PTPRJ: variants seen among roughly 807,000 people sequenced by gnomAD.
PTPRJ encodes the protein protein tyrosine phosphatase receptor type J.
In PTPRJ, 129 loss-of-function variants were observed where a neutral mutation model predicts 141.3. The ratio of observed to expected loss-of-function variants is 0.91; its 90% CI spans 0.79 to 1.06. The LOEUF (loss-of-function observed/expected upper bound fraction) is 1.06. PTPRJ is among the 50% of genes least tolerant of loss of function. The probability of loss-of-function intolerance (pLI) is 0.00; values close to 1 mark genes in which losing one functional copy is unlikely to be tolerated. For missense variants in PTPRJ, 1,601 were observed against 1,679.7 expected (o/e 0.95, Z 0.82); for synonymous variants, 610 against 640.5 (o/e 0.95, Z 0.72).
At chr11:48,063,186 G>T (rs1304620837) in intron 1 of PTPRJ, among the ~76,000 whole-genome samples, 1 of 152,000 alleles carries the variant, frequency 6.6e-6, no homozygotes, top group Non-Finnish European at 1.5e-5. Flanking sequence ...AAATTAGCTG[G>T]GCGTGGTGGC....
intron 3 of PTPRJ, among the ~76,000 whole-genome samples, chr11:48,120,307 G>T (rs7113857): frequency 0.16 from 24,809 of 152,188 alleles, 2,306 homozygotes; most frequent in African/African-American, 0.24. Flanking sequence ...CTATCTTTAT[G>T]TCAGAAAACC....
intron 10 of PTPRJ, among the ~76,000 whole-genome samples, chr11:48,138,797 C>T (rs920333204): frequency 6.6e-6 from 1 of 152,172 alleles, no homozygotes; most frequent in Non-Finnish European, 1.5e-5. Context: ...GTGGATTTAT[C>T]TGCAGATGGG....
intron 1 of PTPRJ, among the ~76,000 whole-genome samples, chr11:48,028,815 A>C (rs1306395581): frequency 6.6e-6 from 1 of 152,074 alleles, no homozygotes; most frequent in African/African-American, 2.4e-5. Flanking sequence ...CAAACAAAAA[A>C]CCTTGTGTGG....
chr11:48,058,951 C>T (rs755805444), intron 1 of PTPRJ, among the ~76,000 whole-genome samples: 1 of 152,042 alleles, frequency 6.6e-6, no homozygotes, highest in South Asian at 2.1e-4. Flanking sequence ...GAACACGTCA[C>T]GTTCATGCCT....
intron 1 of PTPRJ, among the ~76,000 whole-genome samples, chr11:48,046,615 G>C (rs927223479): frequency 9.9e-5 from 15 of 152,034 alleles, no homozygotes; most frequent in Non-Finnish European, 1.8e-4. Context: ...GTGGTGTTGT[G>C]GGGAGAGGGT....
At chr11:48,143,810 C>A (rs1857288962) in intron 12 of PTPRJ, among the ~76,000 whole-genome samples, 2 of 120,280 alleles carry the variant, frequency 1.7e-5, no homozygotes, top group South Asian at 7.3e-4. Context: ...CTCTCCTCCT[C>A]CTCCCCTTCT....
chr11:48,004,107 A>C (rs747232807), intron 1 of PTPRJ, among the ~76,000 whole-genome samples: 1 of 152,170 alleles, frequency 6.6e-6, no homozygotes, highest in African/African-American at 2.4e-5. Flanking sequence ...TTTTAGAGCT[A>C]TATTTTAGCT....
At chr11:48,048,282 C>A (rs1222499279) in intron 1 of PTPRJ, among the ~76,000 whole-genome samples, 6 of 152,088 alleles carry the variant, frequency 3.9e-5, no homozygotes. Flanking sequence ...GTTGTTGATA[C>A]CCCTTCTCAC....
chr11:48,013,103 CAA>C (rs5791798), intron 1 of PTPRJ, among the ~76,000 whole-genome samples: 1,580 of 90,088 alleles, frequency 0.018, 22 homozygotes, highest in African/African-American at 0.05. Context: ...GACTCTGTGT[CAA>C]AAAAAAAAAA....
chr11:48,018,390 G>C (rs933387777), intron 1 of PTPRJ, among the ~76,000 whole-genome samples: 9 of 152,122 alleles, frequency 5.9e-5, no homozygotes, highest in African/African-American at 2.2e-4. Flanking sequence ...TGGGGGCTGG[G>C]GGCAGTGGAT....
At chr11:48,104,820 G>C (rs1856244875) in intron 1 of PTPRJ, among the ~76,000 whole-genome samples, 1 of 152,152 alleles carries the variant, frequency 6.6e-6, no homozygotes, top group African/African-American at 2.4e-5. Context: ...ACCTGCCCAG[G>C]GTTGAACCAG....
intron 1 of PTPRJ, among the ~76,000 whole-genome samples, chr11:47,992,655 A>G (rs1460121984): frequency 1.3e-5 from 2 of 152,230 alleles, no homozygotes; most frequent in South Asian, 2.1e-4. Context: ...ACACTTAAGT[A>G]AAGTTTGGAA....
chr11:48,103,480 AAAAC>A, intron 1 of PTPRJ, among the ~76,000 whole-genome samples: 1 of 152,114 alleles, frequency 6.6e-6, no homozygotes, highest in Non-Finnish European at 1.5e-5. Flanking sequence ...AAACAAAACA[AAAAC>A]AAATTAAAAA....
At chr11:48,149,416 T>G (rs1565328120) in intron 15 of PTPRJ, 31 bp from the exon 16 acceptor site, 1 of 1,441,458 alleles carries the variant, frequency 6.9e-7, no homozygotes, top group Non-Finnish European at 9.6e-7. Context: ...AATCCTTTTT[T>G]GTCTAATGGG....
intron 1 of PTPRJ, among the ~76,000 whole-genome samples, chr11:48,091,475 G>A (rs889763403): frequency 2.0e-5 from 3 of 152,124 alleles, no homozygotes; most frequent in African/African-American, 7.2e-5. Flanking sequence ...AGAACCTTAG[G>A]GCAGGATAGC....
At chr11:48,024,123 C>G (rs1336550247) in intron 1 of PTPRJ, among the ~76,000 whole-genome samples, 2 of 152,078 alleles carry the variant, frequency 1.3e-5, no homozygotes, top group East Asian at 1.9e-4. Flanking sequence ...TCATTAATCT[C>G]TAAGGTTCCA....
rs191012058 is a variant in PTPRJ at position 48,147,563 on chromosome 11, C to T, written c.2999+600C>T. On this transcript the variant is annotated intron_variant, in intron 15 of 24. Transcript: ENST00000418331. ...GAATTATCGCATGCATGAGGCTCTG[C>T]GAGGCAGGTCCAGTAAGTCCCTTCC... Among the ~76,000 whole-genome samples, 107 of 152,270 alleles carry T rather than the reference C, an allele frequency of 7.0e-4. No homozygotes were observed. In the South Asian group the frequency reaches 0.013, roughly 18 times the overall value.
chr11:48,142,828 C>A, intron 11 of PTPRJ, 91 bp from the exon 12 acceptor site: 1 of 1,433,406 alleles, frequency 7.0e-7, no homozygotes, highest in Non-Finnish European at 9.3e-7. Context: ...AGAGTAAGAT[C>A]TTGAGGAGGT....
chr11:48,002,834 G>T (rs1430966030), intron 1 of PTPRJ, among the ~76,000 whole-genome samples: 1 of 152,138 alleles, frequency 6.6e-6, no homozygotes, highest in Non-Finnish European at 1.5e-5. Flanking sequence ...GCAGGCCTCA[G>T]TGTTTATGTG....
Sources: gnomAD v4.1 joint callset for allele counts (sites outside exome capture counted in the v4.1 genomes callset) on GRCh38, gnomAD v4.1.1 for gene constraint, MANE v1.5 for transcripts, NCBI Gene and HGNC (gene_info 2026-07-23, HGNC 2026-07-21) for gene names.